The following SRPX variants were observed in gnomAD, a reference collection of about 807,000 sequenced individuals.
The protein encoded by SRPX is sushi repeat containing protein X-linked.
Under a neutral mutation model 38.1 loss-of-function variants are expected in SRPX, and 24 were observed. The ratio of observed to expected loss-of-function variants is 0.63; its 90% CI spans 0.46 to 0.89. The LOEUF is 0.89. Ranked by LOEUF, SRPX falls within the 40% of genes least tolerant of loss-of-function variation. The pLI, the probability that SRPX is intolerant of heterozygous loss-of-function variation, is 0.00. For synonymous variants in SRPX, 184 were observed against 153.8 expected (o/e 1.20, Z -1.45); for missense variants, 416 against 377.8 (o/e 1.10, Z -0.84).
At chrX:38,220,079 C>T (rs1402105332) in intron 1 of SRPX, among the ~76,000 whole-genome samples, 1 of 113,345 alleles carries the variant, frequency 8.8e-6, no homozygotes, top group Non-Finnish European at 1.9e-5. Flanking sequence ...GCCCTCTTTC[C>T]CTGGGGCTAA....
intron 2 of SRPX, among the ~76,000 whole-genome samples, chrX:38,174,658 C>T (rs1271409172): frequency 8.9e-6 from 1 of 111,907 alleles, no homozygotes; most frequent in Non-Finnish European, 1.9e-5. Flanking sequence ...ATAAAAATTG[C>T]ATATCAAGCA....
intron 1 of SRPX, among the ~76,000 whole-genome samples, chrX:38,180,206 C>CG (rs1938642728): frequency 9.0e-6 from 1 of 111,652 alleles, no homozygotes; most frequent in Non-Finnish European, 1.9e-5. Context: ...GGTTGTCATC[C>CG]TGGTTAACTT....
At chrX:38,171,606 G>A in intron 4 of SRPX, among the ~76,000 whole-genome samples, 1 of 111,815 alleles carries the variant, frequency 8.9e-6, no homozygotes, top group Non-Finnish European at 1.9e-5. Context: ...ATCAGCAGGA[G>A]TATGCCACAT....
intron 6 of SRPX, among the ~76,000 whole-genome samples, chrX:38,160,424 T>C (rs779823927): frequency 1.8e-5 from 2 of 112,140 alleles, no homozygotes; most frequent in Non-Finnish European, 3.8e-5. Context: ...CCTAGTGTTA[T>C]AGATGAGGAA....
chrX:38,169,261 C>A (rs1040935669), intron 4 of SRPX, among the ~76,000 whole-genome samples: 3 of 112,002 alleles, frequency 2.7e-5, no homozygotes, highest in African/African-American at 6.5e-5. Flanking sequence ...TGCAACAATG[C>A]ATGGATACAT....
intron 5 of SRPX, among the ~76,000 whole-genome samples, chrX:38,162,293 T>G (rs771719337): frequency 9.0e-6 from 1 of 111,641 alleles, no homozygotes; most frequent in South Asian, 3.8e-4. Context: ...AGCAGTAGCT[T>G]GGATAGGAAA....
At position 38,177,254 on chromosome X, in the gene SRPX, T is replaced by A. The variant is rs1238697124; in HGVS notation, c.157+1031A>T. 2.7e-5 allele frequency among the ~76,000 whole-genome samples: 3 copies of A among 111,676 alleles called. No homozygotes were observed. The Admixed American group carries it at 2.9e-4, about 11-fold the overall frequency. On this transcript the variant is annotated intron_variant, in intron 2 of 9. Coordinates refer to ENST00000378533, the MANE Select transcript of SRPX (RefSeq NM_006307.5). The stretch of plus-strand genomic sequence containing the variant: ...TGCTTGATTGGTTAATTCCTGAGGC[T>A]ATGGAGATAGAAACTATAGGTAGGA...
intron 1 of SRPX, among the ~76,000 whole-genome samples, chrX:38,204,180 G>C (rs4827339): frequency 0.37 from 41,363 of 110,862 alleles, 5,948 homozygotes; most frequent in East Asian, 0.69. Context: ...CTGATCAGTA[G>C]GTGTGACATA....
chrX:38,193,380 C>A (rs942395363), intron 1 of SRPX, among the ~76,000 whole-genome samples: 1 of 111,715 alleles, frequency 9.0e-6, no homozygotes, highest in African/African-American at 3.3e-5. Context: ...ACAGCACAAT[C>A]AAACTGGGTA....
chrX:38,194,863 G>GTTTTTTTTTT (rs35179239), intron 1 of SRPX, among the ~76,000 whole-genome samples: 2 of 53,680 alleles, frequency 3.7e-5, no homozygotes, highest in African/African-American at 1.8e-4. Context: ...TTTGTTTTTG[G>GTTTTTTTTTT]TTTTTTTTTT....
intron 4 of SRPX, among the ~76,000 whole-genome samples, chrX:38,165,952 A>G (rs1473171132): frequency 1.8e-5 from 2 of 111,910 alleles, no homozygotes. Flanking sequence ...TGAGATGTCA[A>G]CTCTACACTG....
At chrX:38,179,874 G>A (rs191825107) in intron 1 of SRPX, among the ~76,000 whole-genome samples, 1 of 111,851 alleles carries the variant, frequency 8.9e-6, no homozygotes, top group African/African-American at 3.2e-5. Context: ...GGGAGGCTGA[G>A]TGGGAGAATT....
chrX:38,201,771 A>G (rs909219139), intron 1 of SRPX, among the ~76,000 whole-genome samples: 17 of 108,281 alleles, frequency 1.6e-4, no homozygotes, highest in African/African-American at 4.7e-4. Context: ...GTGAGCTGAG[A>G]TCACGCCACT....
chrX:38,209,607 A>G (rs1399632578), intron 1 of SRPX, among the ~76,000 whole-genome samples: 1 of 112,067 alleles, frequency 8.9e-6, no homozygotes, highest in Non-Finnish European at 1.9e-5. Flanking sequence ...ACTCACTCAA[A>G]TGAAAGCCAT....
At chrX:38,219,367 G>A (rs1448762245) in intron 1 of SRPX, among the ~76,000 whole-genome samples, 1 of 110,282 alleles carries the variant, frequency 9.1e-6, no homozygotes, top group Non-Finnish European at 1.9e-5. Context: ...CTTCTGGGAC[G>A]CTTAATGACT....
chrX:38,211,344 G>C (rs1233970501), intron 1 of SRPX, among the ~76,000 whole-genome samples: 1 of 111,715 alleles, frequency 9.0e-6, no homozygotes, highest in Non-Finnish European at 1.9e-5. Context: ...AAAATACACA[G>C]AGGCGGAGCC....
intron 1 of SRPX, among the ~76,000 whole-genome samples, chrX:38,216,616 G>A (rs1048342196): frequency 1.8e-5 from 2 of 112,401 alleles, no homozygotes; most frequent in South Asian, 3.6e-4. Flanking sequence ...TATTATTCAC[G>A]CTGCTATTTT....
chrX:38,157,678 A>T (rs767585890), intron 7 of SRPX, among the ~76,000 whole-genome samples: 4 of 112,084 alleles, frequency 3.6e-5, no homozygotes, highest in African/African-American at 6.5e-5. Flanking sequence ...GGTTCCAGGG[A>T]CTAGGATGTG....
Position 38,149,693 on chromosome X carries a change from A to G in SRPX, c.*18T>C. 8.3e-7 allele frequency: 1 copy of G among 1,200,021 alleles called. No individual in the cohort carries two copies. Among genetic ancestry groups the G allele is most frequent in the Non-Finnish European group, 1.1e-6 (1 of 889,292 alleles). On this transcript the variant is annotated 3_prime_UTR_variant, in exon 10 of 10. Transcript: ENST00000378533. ...ATGTAGACAATGAAGAGGAATTGCC[A>G]AGAGAGGAACCATCATGTCAGGTGT...
Sources: gnomAD v4.1 joint callset for allele counts (sites outside exome capture counted in the v4.1 genomes callset) on GRCh38, gnomAD v4.1.1 for gene constraint, MANE v1.5 for transcripts, NCBI Gene and HGNC (gene_info 2026-07-23, HGNC 2026-07-21) for gene names.